CDH13: variants seen among roughly 807,000 people sequenced by gnomAD.
The protein encoded by CDH13 is cadherin 13.
A neutral mutation model predicts 63.8 loss-of-function variants in CDH13; 24 were observed. That is an observed-to-expected ratio of 0.38 (90% CI 0.27 to 0.53). CDH13 has a LOEUF of 0.53. Ranked by LOEUF, CDH13 falls within the 20% of genes least tolerant of loss-of-function variation. CDH13 has a pLI of 0.85. For missense variants in CDH13, 1,049 were observed against 903.1 expected (o/e 1.16, Z -2.07); for synonymous variants, 503 against 355.3 (o/e 1.42, Z -4.67).
At chr16:82,782,801 C>G (rs905678875) in intron 1 of CDH13, among the ~76,000 whole-genome samples, 57 of 152,162 alleles carry the variant, frequency 3.7e-4, no homozygotes, top group African/African-American at 1.3e-3. Flanking sequence ...TGCAGGAATC[C>G]TGACAGGAGC....
chr16:83,089,096 C>A (rs1468917230), intron 3 of CDH13, among the ~76,000 whole-genome samples: 3 of 152,148 alleles, frequency 2.0e-5, no homozygotes, highest in African/African-American at 7.2e-5. Context: ...CAATTCCTTT[C>A]CATGTCTATG....
At chr16:82,887,816 C>T (rs1031367430) in intron 2 of CDH13, among the ~76,000 whole-genome samples, 3 of 151,196 alleles carry the variant, frequency 2.0e-5, no homozygotes, top group African/African-American at 7.3e-5. Context: ...AGTGAGACTC[C>T]GTCTCAGAAA....
chr16:83,260,560 C>G (rs138969072), intron 5 of CDH13, among the ~76,000 whole-genome samples: 1 of 152,126 alleles, frequency 6.6e-6, no homozygotes, highest in East Asian at 1.9e-4. Context: ...CGGAATCACC[C>G]GGGATCCCAG....
At chr16:82,918,748 A>G (rs925185326) in intron 2 of CDH13, among the ~76,000 whole-genome samples, 1 of 152,018 alleles carries the variant, frequency 6.6e-6, no homozygotes. Flanking sequence ...ACCTCAGGTG[A>G]TCTGCCTACC....
At chr16:82,927,293 ACTC>A (rs1253704279) in intron 2 of CDH13, among the ~76,000 whole-genome samples, 1 of 152,036 alleles carries the variant, frequency 6.6e-6, no homozygotes, top group Non-Finnish European at 1.5e-5. Context: ...CAGAAAATAA[ACTC>A]CTACTCACGG....
intron 1 of CDH13, among the ~76,000 whole-genome samples, chr16:82,649,929 T>G (rs1478996441): frequency 6.6e-6 from 1 of 152,198 alleles, no homozygotes; most frequent in Non-Finnish European, 1.5e-5. Context: ...GCATGTAACA[T>G]GCTTAAGACA....
intron 1 of CDH13, among the ~76,000 whole-genome samples, chr16:82,723,603 G>A (rs1306146126): frequency 6.6e-6 from 1 of 152,142 alleles, no homozygotes; most frequent in African/African-American, 2.4e-5. Flanking sequence ...ATGGAAAGAG[G>A]AGTCTAGGTT....
intron 8 of CDH13, among the ~76,000 whole-genome samples, chr16:83,611,271 A>G (rs901273184): frequency 6.6e-6 from 1 of 151,972 alleles, no homozygotes; most frequent in African/African-American, 2.4e-5. Context: ...TAGAGTCCCA[A>G]TTTTAATGAA....
At chr16:83,739,267 A>T (rs1167303363) in intron 10 of CDH13, among the ~76,000 whole-genome samples, 1 of 151,950 alleles carries the variant, frequency 6.6e-6, no homozygotes, top group Non-Finnish European at 1.5e-5. Context: ...CCCAAAAAAA[A>T]CCCTGAATGT....
intron 1 of CDH13, among the ~76,000 whole-genome samples, chr16:82,759,428 A>G (rs180758435): frequency 6.6e-6 from 1 of 151,888 alleles, no homozygotes; most frequent in Non-Finnish European, 1.5e-5. Context: ...TATGGTCTTC[A>G]TCTAAATGAA....
At chr16:82,765,651 G>A (rs1332733595) in intron 1 of CDH13, among the ~76,000 whole-genome samples, 1 of 152,118 alleles carries the variant, frequency 6.6e-6, no homozygotes, top group Non-Finnish European at 1.5e-5. Context: ...TATACTATAA[G>A]CTTCTCAATG....
chr16:83,329,002 C>T (rs909531480), intron 5 of CDH13, among the ~76,000 whole-genome samples: 3 of 152,106 alleles, frequency 2.0e-5, no homozygotes, highest in Non-Finnish European at 2.9e-5. Flanking sequence ...TTTCCCTAAC[C>T]AGGGATAGTC....
intron 5 of CDH13, among the ~76,000 whole-genome samples, chr16:83,236,187 T>G (rs933093437): frequency 5.9e-5 from 9 of 151,800 alleles, no homozygotes; most frequent in South Asian, 2.1e-4. Context: ...CCAAACTAGT[T>G]CTGAAAACAT....
chr16:82,759,544 A>G lies in CDH13; in HGVS notation c.46-98818A>G, dbSNP rs2034749193. ...TGTAGTAATATATACATATATGTAT[A>G]TGTATAATATAACATGAATATAATA... On this transcript the variant is annotated intron_variant, in intron 1 of 13. Coordinates refer to ENST00000567109, the MANE Select transcript of CDH13 (RefSeq NM_001257.5). Among the ~76,000 whole-genome samples, 3 of 150,342 alleles carry G rather than the reference A, an allele frequency of 2.0e-5. No homozygotes were observed. In the Admixed American group the frequency reaches 2.0e-4, roughly 10 times the overall value.
At chr16:82,790,162 C>T (rs550085362) in intron 1 of CDH13, among the ~76,000 whole-genome samples, 87 of 152,210 alleles carry the variant, frequency 5.7e-4, no homozygotes, top group African/African-American at 1.9e-3. Context: ...ATAGGCCAGG[C>T]GCGGTATCTC....
At chr16:83,101,912 T>C (rs79966313) in intron 3 of CDH13, among the ~76,000 whole-genome samples, 180 of 152,318 alleles carry the variant, frequency 1.2e-3, no homozygotes, top group Non-Finnish European at 1.7e-3. Flanking sequence ...GCCCCAGGAT[T>C]GTTCACATTC....
At chr16:82,868,850 C>G (rs768719183) in intron 2 of CDH13, among the ~76,000 whole-genome samples, 4 of 152,194 alleles carry the variant, frequency 2.6e-5, no homozygotes, top group Non-Finnish European at 5.9e-5. Context: ...TGCCACAGTT[C>G]AGCTGCCTGG....
At chr16:83,727,717 C>G (rs1910575262) in intron 10 of CDH13, among the ~76,000 whole-genome samples, 1 of 152,128 alleles carries the variant, frequency 6.6e-6, no homozygotes, top group Middle Eastern at 3.2e-3. Context: ...TGCTAGCTCT[C>G]CAGGAAAGGC....
chr16:83,418,548 T>C (rs1354297405), intron 6 of CDH13, among the ~76,000 whole-genome samples: 3 of 152,188 alleles, frequency 2.0e-5, no homozygotes, highest in African/African-American at 7.2e-5. Flanking sequence ...AGACTTCAAG[T>C]TACAAGTTAG....
Sources: gnomAD v4.1 joint callset for allele counts (sites outside exome capture counted in the v4.1 genomes callset) on GRCh38, gnomAD v4.1.1 for gene constraint, MANE v1.5 for transcripts, NCBI Gene and HGNC (gene_info 2026-07-23, HGNC 2026-07-21) for gene names.